EYS: variants seen among roughly 807,000 people sequenced by gnomAD.
EYS encodes the protein protein eyes shut homolog.
A neutral mutation model predicts 282.1 loss-of-function variants in EYS; 250 were observed. That is an observed-to-expected ratio of 0.89 (90% CI 0.80 to 0.98). EYS has a LOEUF of 0.98. Ranked by LOEUF, EYS falls within the 50% of genes least tolerant of loss-of-function variation. The pLI is 0.00. For missense variants in EYS, 4,016 were observed against 3,709.0 expected (o/e 1.08, Z -2.15); for synonymous variants, 1,355 against 1,282.9 (o/e 1.06, Z -1.20).
At chr6:65,013,112 T>C (rs1037077351) in intron 13 of EYS, among the ~76,000 whole-genome samples, 1 of 152,208 alleles carries the variant, frequency 6.6e-6, no homozygotes, top group Non-Finnish European at 1.5e-5. Context: ...AAAGTTCCCA[T>C]GCATACCCTT....
chr6:64,045,383 G>GTTTATTTTAT (rs548483513), intron 33 of EYS, among the ~76,000 whole-genome samples: 4,929 of 137,448 alleles, frequency 0.036, 83 homozygotes, highest in Non-Finnish European at 0.051. Context: ...GGTGAAACAA[G>GTTTATTTTAT]TTTATTTTAT....
At chr6:65,224,591 C>A (rs923196700) in intron 12 of EYS, among the ~76,000 whole-genome samples, 1 of 147,838 alleles carries the variant, frequency 6.8e-6, no homozygotes, top group African/African-American at 2.4e-5. Flanking sequence ...AAATGAAATA[C>A]GATAGAGAGA....
At chr6:64,717,443 A>T (rs1771434114) in intron 22 of EYS, among the ~76,000 whole-genome samples, 1 of 152,192 alleles carries the variant, frequency 6.6e-6, no homozygotes. Flanking sequence ...CACACAGTTC[A>T]CAATAGAGTT....
At chr6:65,410,295 A>G (rs190879102) in intron 5 of EYS, among the ~76,000 whole-genome samples, 38 of 152,136 alleles carry the variant, frequency 2.5e-4, no homozygotes, top group African/African-American at 7.9e-4. Flanking sequence ...ATATTTATTG[A>G]GTATAATTTG....
chr6:65,070,139 T>C (rs984918433), intron 12 of EYS, among the ~76,000 whole-genome samples: 5 of 151,974 alleles, frequency 3.3e-5, no homozygotes, highest in South Asian at 2.1e-4. Flanking sequence ...ATCCTGATTG[T>C]CATTAAATCT....
chr6:65,004,310 C>A (rs1020122528), intron 13 of EYS, among the ~76,000 whole-genome samples: 4 of 147,546 alleles, frequency 2.7e-5, no homozygotes, highest in Admixed American at 1.4e-4. Context: ...ATTGGGGGTA[C>A]TTAGTGAAGA....
intron 5 of EYS, among the ~76,000 whole-genome samples, chr6:65,441,277 A>T (rs1051613922): frequency 6.6e-6 from 1 of 151,730 alleles, no homozygotes. Context: ...TATATTTTGT[A>T]TCATCTCAAT....
intron 14 of EYS, among the ~76,000 whole-genome samples, chr6:64,951,805 G>A (rs1165100863): frequency 6.6e-6 from 1 of 151,694 alleles, no homozygotes; most frequent in Non-Finnish European, 1.5e-5. Context: ...GGATATAACA[G>A]TCATAAAAGA....
chr6:64,956,841 A>G (rs1769722288), intron 14 of EYS, among the ~76,000 whole-genome samples: 1 of 152,202 alleles, frequency 6.6e-6, no homozygotes, highest in Admixed American at 6.5e-5. Context: ...AAAGGTGCTT[A>G]ACATCACTGA....
At chr6:64,967,516 C>A (rs1770140335) in intron 14 of EYS, among the ~76,000 whole-genome samples, 1 of 152,034 alleles carries the variant, frequency 6.6e-6, no homozygotes, top group East Asian at 1.9e-4. Context: ...TGGGGTTTCG[C>A]CATGTTGGTC....
At chr6:64,220,039 G>C (rs1001798878) in intron 31 of EYS, among the ~76,000 whole-genome samples, 1 of 152,120 alleles carries the variant, frequency 6.6e-6, no homozygotes, top group Non-Finnish European at 1.5e-5. Context: ...TGTGGGGTGA[G>C]GGGGAGGGAG....
chr6:63,864,686 C>T (rs1330500799), intron 35 of EYS, among the ~76,000 whole-genome samples: 1 of 152,066 alleles, frequency 6.6e-6, no homozygotes, highest in Non-Finnish European at 1.5e-5. Context: ...GTGGTGCTGC[C>T]TTAATAAAGT....
At chr6:64,037,335 C>T (rs140611598) in intron 33 of EYS, among the ~76,000 whole-genome samples, 1 of 152,238 alleles carries the variant, frequency 6.6e-6, no homozygotes, top group African/African-American at 2.4e-5. Context: ...TATTCAACCA[C>T]ATTTAGTACA....
At chr6:65,464,757 C>A (rs1323472697) in intron 5 of EYS, among the ~76,000 whole-genome samples, 1 of 152,060 alleles carries the variant, frequency 6.6e-6, no homozygotes, top group Non-Finnish European at 1.5e-5. Context: ...TGATTCAGAG[C>A]ATAGAAGCAG....
chr6:63,882,370 G>A (rs1161554493), intron 35 of EYS, among the ~76,000 whole-genome samples: 3 of 152,166 alleles, frequency 2.0e-5, no homozygotes, highest in East Asian at 3.8e-4. Context: ...ATCGCATTTG[G>A]TTTTACACTG....
At chr6:64,958,346 C>T (rs961911691) in intron 14 of EYS, among the ~76,000 whole-genome samples, 5 of 152,100 alleles carry the variant, frequency 3.3e-5, no homozygotes, top group Admixed American at 1.3e-4. Flanking sequence ...CGCGCCACTG[C>T]ACTCCAGCCT....
intron 35 of EYS, among the ~76,000 whole-genome samples, chr6:63,916,953 G>A (rs892714848): frequency 2.6e-5 from 4 of 152,218 alleles, no homozygotes; most frequent in East Asian, 1.9e-4. Context: ...GTTAGTGAGA[G>A]GACACGGAAT....
chr6:65,087,648 T>A (rs1035084733), intron 12 of EYS, among the ~76,000 whole-genome samples: 1 of 152,126 alleles, frequency 6.6e-6, no homozygotes, highest in African/African-American at 2.4e-5. Context: ...ATCTGAGCCA[T>A]GGGCCAGAAT....
At chr6:64,202,235 C>T (rs1262742740) in intron 31 of EYS, among the ~76,000 whole-genome samples, 1 of 152,164 alleles carries the variant, frequency 6.6e-6, no homozygotes, top group East Asian at 1.9e-4. Flanking sequence ...CTGCTCAGAT[C>T]AATCCCTGGA....
Sources: allele counts gnomAD v4.1 joint callset (sites outside exome capture counted in the v4.1 genomes callset), GRCh38; gene constraint gnomAD v4.1.1; transcripts MANE v1.5; gene names NCBI Gene and HGNC (gene_info 2026-07-23, HGNC 2026-07-21).